The following UBL3 variants were observed in gnomAD, a reference collection of about 807,000 sequenced individuals.
UBL3 encodes the protein ubiquitin like 3.
Under a neutral mutation model 18.4 loss-of-function variants are expected in UBL3, and 6 were observed. The observed-to-expected ratio is 0.33, with a 90% CI of 0.18 to 0.64. UBL3 has a LOEUF of 0.64. Ranked by LOEUF, UBL3 falls within the 30% of genes least tolerant of loss-of-function variation. The pLI is 0.76. For missense variants in UBL3, 109 were observed against 142.9 expected (o/e 0.76, Z 1.21); for synonymous variants, 49 against 46.6 (o/e 1.05, Z -0.21).
chr13:29,837,719 C>T (rs1448698148), intron 1 of UBL3, among the ~76,000 whole-genome samples: 1 of 151,942 alleles, frequency 6.6e-6, no homozygotes, highest in East Asian at 1.9e-4. Flanking sequence ...CACTTGAGGC[C>T]AGGAGTTTGA....
chr13:29,839,934 A>AGG (rs1566002253), intron 1 of UBL3, among the ~76,000 whole-genome samples: 6 of 146,884 alleles, frequency 4.1e-5, no homozygotes, highest in African/African-American at 1.5e-4. Context: ...CTCGGGGGAA[A>AGG]AAAAAAAAAA....
At chr13:29,840,887 G>A (rs1008290440) in intron 1 of UBL3, among the ~76,000 whole-genome samples, 3 of 151,924 alleles carry the variant, frequency 2.0e-5, no homozygotes, top group Non-Finnish European at 4.4e-5. Context: ...ATTATAATAC[G>A]GTTCTATACT....
intron 1 of UBL3, among the ~76,000 whole-genome samples, chr13:29,820,751 T>A (rs1007362661): frequency 5.9e-5 from 9 of 152,250 alleles, no homozygotes; most frequent in Non-Finnish European, 7.3e-5. Context: ...AACTACATTC[T>A]AAAGTTACTG....
chr13:29,831,657 C>T (rs1206184903), intron 1 of UBL3, among the ~76,000 whole-genome samples: 1 of 145,682 alleles, frequency 6.9e-6, no homozygotes, highest in Non-Finnish European at 1.5e-5. Flanking sequence ...TGATAGTTGA[C>T]TAAAATCAGA....
At chr13:29,790,435 C>T (rs1318308334) in intron 1 of UBL3, among the ~76,000 whole-genome samples, 1 of 152,062 alleles carries the variant, frequency 6.6e-6, no homozygotes, top group African/African-American at 2.4e-5. Context: ...ACATCAAAAA[C>T]CTTCTTCTCA....
intron 1 of UBL3, among the ~76,000 whole-genome samples, chr13:29,848,465 A>AAAAATTAAATT: frequency 1.3e-5 from 2 of 152,050 alleles, no homozygotes; most frequent in Middle Eastern, 6.8e-3. Flanking sequence ...CTCAAAAAAT[A>AAAAATTAAATT]AAAATTAAAT....
intron 1 of UBL3, among the ~76,000 whole-genome samples, chr13:29,824,246 TG>T (rs1441662371): frequency 6.6e-6 from 1 of 152,202 alleles, no homozygotes; most frequent in African/African-American, 2.4e-5. Flanking sequence ...CTGGGTCAAA[TG>T]GTATTTCTAG....
At chr13:29,832,490 G>A (rs985249915) in intron 1 of UBL3, among the ~76,000 whole-genome samples, 2 of 151,992 alleles carry the variant, frequency 1.3e-5, no homozygotes, top group East Asian at 1.9e-4. Context: ...CCACCACCGC[G>A]CCCGGCTAAT....
chr13:29,849,871 G>C lies in UBL3; in HGVS notation c.-333C>G, dbSNP rs1226176963. The C allele has an allele frequency of 2.1e-6, 1 of 476,802 alleles. No homozygotes were observed. Among genetic ancestry groups the C allele is most frequent in the Non-Finnish European group, 3.8e-6 (1 of 261,838 alleles). The allele number at this position is 476,802 out of a possible 1,614,324, so 29.5% of individuals were successfully genotyped here. ...GAGCCGAGTGACACACGGACATGGA[G>C]AGGGGTGGGAGGGGGTTAAATGCGC... On this transcript the variant is annotated 5_prime_UTR_variant, in exon 1 of 5. Coordinates refer to ENST00000380680, the MANE Select transcript of UBL3 (RefSeq NM_007106.4).
intron 1 of UBL3, among the ~76,000 whole-genome samples, chr13:29,812,101 C>A (rs977928866): frequency 6.6e-6 from 1 of 152,006 alleles, no homozygotes; most frequent in Non-Finnish European, 1.5e-5. Flanking sequence ...TTCCTGTATC[C>A]TTCAAGAAGC....
At chr13:29,797,293 A>G (rs899040350) in intron 1 of UBL3, among the ~76,000 whole-genome samples, 2 of 152,208 alleles carry the variant, frequency 1.3e-5, no homozygotes, top group Non-Finnish European at 2.9e-5. Context: ...AAGAGATATG[A>G]TGTTCATGGT....
In UBL3 at chr13:29,766,623, A is replaced by C. The variant is rs971153109; in HGVS notation, c.*632T>G. 1 of 152,676 alleles carries C rather than the reference A, an allele frequency of 6.5e-6. No individual in the cohort carries two copies. Among genetic ancestry groups the C allele is most frequent in the Non-Finnish European group, 1.5e-5 (1 of 68,064 alleles). 9.5% of individuals were successfully genotyped at this position (152,676 alleles called of 1,614,324 possible). ...TCATCAGCCCTCTACTGAGTGCTTT[A>C]AACAGGCACATTTTGTTTTTTCATT... is the stretch of plus-strand genomic sequence containing the variant. On this transcript the variant is annotated 3_prime_UTR_variant, in exon 5 of 5. Coordinates refer to ENST00000380680, the MANE Select transcript of UBL3 (RefSeq NM_007106.4).
intron 1 of UBL3, among the ~76,000 whole-genome samples, chr13:29,823,438 G>A (rs1350615952): frequency 3.9e-5 from 6 of 152,192 alleles, no homozygotes; most frequent in South Asian, 2.1e-4. Flanking sequence ...CACTGCGCCC[G>A]GCTGCAAATT....
intron 3 of UBL3, among the ~76,000 whole-genome samples, chr13:29,768,593 T>TA (rs1876752818): frequency 6.6e-6 from 1 of 152,108 alleles, no homozygotes; most frequent in Non-Finnish European, 1.5e-5. Flanking sequence ...GGATGATGGT[T>TA]AACATGCAGA....
chr13:29,833,544 T>A (rs1006538258), intron 1 of UBL3, among the ~76,000 whole-genome samples: 1 of 152,108 alleles, frequency 6.6e-6, no homozygotes, highest in Non-Finnish European at 1.5e-5. Context: ...GAGGCAATAT[T>A]CCCTCTGCCT....
At chr13:29,822,332 G>T (rs12872400) in intron 1 of UBL3, among the ~76,000 whole-genome samples, 42,962 of 151,986 alleles carry the variant, frequency 0.28, 6,140 homozygotes, top group East Asian at 0.41. Flanking sequence ...CCTAGCAATA[G>T]GATAAAGTAC....
intron 2 of UBL3, 70 bp from the exon 3 acceptor site, chr13:29,772,268 A>T: frequency 1.5e-6 from 2 of 1,301,804 alleles, no homozygotes; most frequent in South Asian, 2.8e-5. Context: ...TATTGTTTTA[A>T]AAATTCAGAT....
Position 29,849,445 on chromosome 13 carries a change from C to T in UBL3, c.27+67G>A, listed in dbSNP as rs368863592. 44 of 1,608,366 alleles carry T rather than the reference C, an allele frequency of 2.7e-5. No individual in the cohort carries two copies. The African/African-American group carries it at 4.4e-4, about 16-fold the overall frequency. ...CAGCAAATCTTCGCCCCACGCCTGCCGTCTTTCCGATTAAATAAGATTGGA... is the reference window on the plus strand; with the variant it reads ...CAGCAAATCTTCGCCCCACGCCTGCTGTCTTTCCGATTAAATAAGATTGGA... On this transcript the variant is annotated intron_variant, in intron 1 of 4. Transcript: ENST00000380680.
chr13:29,840,277 G>C (rs1248716792), intron 1 of UBL3, among the ~76,000 whole-genome samples: 1 of 152,096 alleles, frequency 6.6e-6, no homozygotes, highest in African/African-American at 2.4e-5. Flanking sequence ...CTCTTGAAAA[G>C]CAAAACTTGT....
Sources: allele counts gnomAD v4.1 joint callset (sites outside exome capture counted in the v4.1 genomes callset), GRCh38; gene constraint gnomAD v4.1.1; transcripts MANE v1.5; gene names NCBI Gene and HGNC (gene_info 2026-07-23, HGNC 2026-07-21).